The following PTPRD variants were observed in gnomAD, a reference collection of about 807,000 sequenced individuals.
PTPRD encodes receptor-type tyrosine-protein phosphatase delta.
A neutral mutation model predicts 214.5 loss-of-function variants in PTPRD; 34 were observed. The observed-to-expected ratio is 0.16, with a 90% CI of 0.12 to 0.21. PTPRD has a LOEUF of 0.21. Among genes scored for constraint, PTPRD ranks in the 10% least tolerant of loss-of-function variants. The pLI, the probability that PTPRD is intolerant of heterozygous loss-of-function variation, is 1.00. For synonymous variants in PTPRD, 1,128 were observed against 845.7 expected (o/e 1.33, Z -5.79); for missense variants, 2,545 against 2,398.7 (o/e 1.06, Z -1.27).
chr9:10,431,597 C>A (rs1373975274), intron 2 of PTPRD, among the ~76,000 whole-genome samples: 3 of 151,736 alleles, frequency 2.0e-5, no homozygotes, highest in Non-Finnish European at 2.9e-5. Flanking sequence ...AAGAAAAAAA[C>A]AAACAACCCC....
intron 8 of PTPRD, among the ~76,000 whole-genome samples, chr9:9,402,989 A>C (rs1343573704): frequency 2.5e-5 from 3 of 120,990 alleles, no homozygotes; most frequent in Admixed American, 1.7e-4. Flanking sequence ...AAAAAAAAAA[A>C]CACCAAAAAA....
chr9:8,455,538 T>C (rs1366833559), intron 33 of PTPRD, among the ~76,000 whole-genome samples: 1 of 152,194 alleles, frequency 6.6e-6, no homozygotes, highest in African/African-American at 2.4e-5. Flanking sequence ...TTTTTCTTAA[T>C]GCCAATGAAA....
chr9:9,593,761 G>T (rs1445914785), intron 7 of PTPRD, among the ~76,000 whole-genome samples: 2 of 152,022 alleles, frequency 1.3e-5, no homozygotes, highest in Non-Finnish European at 2.9e-5. Flanking sequence ...TTTTTCACCT[G>T]ATTATTAGCC....
intron 3 of PTPRD, among the ~76,000 whole-genome samples, chr9:10,275,753 A>G (rs1319678514): frequency 1.3e-5 from 2 of 152,190 alleles, no homozygotes; most frequent in Admixed American, 1.3e-4. Context: ...GGTCACGTTA[A>G]CAAATCAGAG....
At chr9:9,477,808 A>G (rs1359796372) in intron 8 of PTPRD, among the ~76,000 whole-genome samples, 1 of 152,164 alleles carries the variant, frequency 6.6e-6, no homozygotes, top group Admixed American at 6.5e-5. Flanking sequence ...TTTTCTTGAC[A>G]AACGTGTTTC....
intron 2 of PTPRD, among the ~76,000 whole-genome samples, chr9:10,444,587 T>C (rs1173803939): frequency 6.6e-6 from 1 of 151,842 alleles, no homozygotes; most frequent in Non-Finnish European, 1.5e-5. Flanking sequence ...ACAAGATACA[T>C]GCCTACTATG....
intron 39 of PTPRD, among the ~76,000 whole-genome samples, chr9:8,361,412 G>A (rs1404312616): frequency 2.6e-5 from 4 of 152,180 alleles, no homozygotes; most frequent in East Asian, 1.9e-4. Context: ...GAGGGAGGTG[G>A]TTTTAATACT....
chr9:8,594,860 C>CTTTTT (rs55766168), intron 14 of PTPRD, among the ~76,000 whole-genome samples: 10 of 130,584 alleles, frequency 7.7e-5, no homozygotes, highest in African/African-American at 2.4e-4. Flanking sequence ...TGTTTAACCC[C>CTTTTT]TTTTTTTTTT....
Position 10,479,652 on chromosome 9 carries a change from A to AATAAATAAATAAATACATAAATAC in PTPRD, c.-600+132745_-600+132746insGTATTTATGTATTTATTTATTTAT, listed in dbSNP as rs144587771. Among the ~76,000 whole-genome samples the AATAAATAAATAAATACATAAATAC allele has an allele frequency of 3.4e-3, 424 of 124,192 alleles. 3 individuals carry two copies. Among genetic ancestry groups the AATAAATAAATAAATACATAAATAC allele is most frequent in the African/African-American group, 9.6e-3 (311 of 32,308 alleles). The allele number at this position is 124,192 out of a possible 152,430, so 81.5% of individuals were successfully genotyped here. ...ACATAAATAAATAAATAAATAAATA[A>AATAAATAAATAAATACATAAATAC]ATAAATAAACAAAAATACAAAAATT... On this transcript the variant is annotated intron_variant, in intron 2 of 45. Transcript: ENST00000381196.
chr9:8,741,743 A>G, intron 11 of PTPRD, among the ~76,000 whole-genome samples: 1 of 151,252 alleles, frequency 6.6e-6, no homozygotes, highest in East Asian at 1.9e-4. Context: ...GGCACACATC[A>G]CCATGCCAAG....
intron 7 of PTPRD, among the ~76,000 whole-genome samples, chr9:9,710,996 A>G (rs897940867): frequency 2.6e-5 from 4 of 151,548 alleles, no homozygotes; most frequent in Non-Finnish European, 4.4e-5. Flanking sequence ...GTGTGTGTGT[A>G]TGCACACGAC....
chr9:8,692,381 T>C (rs771091335), intron 12 of PTPRD, among the ~76,000 whole-genome samples: 3 of 152,186 alleles, frequency 2.0e-5, no homozygotes, highest in Non-Finnish European at 2.9e-5. Context: ...GAATCTTCCA[T>C]TGGACCTCCT....
At chr9:8,579,383 C>A (rs1181843207) in intron 14 of PTPRD, among the ~76,000 whole-genome samples, 1 of 152,162 alleles carries the variant, frequency 6.6e-6, no homozygotes, top group Admixed American at 6.5e-5. Flanking sequence ...AAAACTGGAA[C>A]TTTGCTAAAT....
intron 3 of PTPRD, among the ~76,000 whole-genome samples, chr9:10,160,438 A>G (rs1371522418): frequency 1.3e-5 from 2 of 152,014 alleles, no homozygotes; most frequent in Admixed American, 1.3e-4. Context: ...AATGAATACC[A>G]ATTCTTCTCA....
intron 11 of PTPRD, among the ~76,000 whole-genome samples, chr9:8,845,018 G>A (rs2097658812): frequency 6.6e-6 from 1 of 152,034 alleles, no homozygotes; most frequent in South Asian, 2.1e-4. Context: ...TACTTGCACT[G>A]ACAAGTATAA....
chr9:8,916,051 G>T (rs1244161466), intron 11 of PTPRD, among the ~76,000 whole-genome samples: 2 of 152,142 alleles, frequency 1.3e-5, no homozygotes, highest in African/African-American at 4.8e-5. Flanking sequence ...GAACACTAAG[G>T]AAGCCCAAGG....
chr9:10,193,167 G>A (rs1199510522), intron 3 of PTPRD, among the ~76,000 whole-genome samples: 1 of 151,898 alleles, frequency 6.6e-6, no homozygotes, highest in Non-Finnish European at 1.5e-5. Flanking sequence ...GGTCTTTAGA[G>A]ACTCTATTAT....
intron 7 of PTPRD, among the ~76,000 whole-genome samples, chr9:9,619,498 ATT>A (rs1033302905): frequency 6.8e-6 from 1 of 147,068 alleles, no homozygotes; most frequent in Non-Finnish European, 1.5e-5. Context: ...ATCTATATAT[ATT>A]ATATTATATA....
intron 10 of PTPRD, among the ~76,000 whole-genome samples, chr9:9,110,684 C>A (rs753642168): frequency 6.6e-6 from 1 of 152,144 alleles, no homozygotes; most frequent in Admixed American, 6.6e-5. Flanking sequence ...AATATATCCT[C>A]TTATCTCCCT....
Sources: gnomAD v4.1 joint callset for allele counts (sites outside exome capture counted in the v4.1 genomes callset) on GRCh38, gnomAD v4.1.1 for gene constraint, MANE v1.5 for transcripts, NCBI Gene and HGNC (gene_info 2026-07-23, HGNC 2026-07-21) for gene names.